Variants in SCMH1 observed in about 807,000 individuals in gnomAD.
The protein encoded by SCMH1 is polycomb protein SCMH1.
In SCMH1, 37 loss-of-function variants were observed where a neutral mutation model predicts 70.8. The observed-to-expected ratio is 0.52, with a 90% CI of 0.40 to 0.69. The LOEUF (loss-of-function observed/expected upper bound fraction) is 0.69, where lower values mean the gene tolerates loss of function less well. Ranked by LOEUF, SCMH1 falls within the 30% of genes least tolerant of loss-of-function variation. The probability of loss-of-function intolerance (pLI) is 0.00; values close to 1 mark genes in which losing one functional copy is unlikely to be tolerated. For missense variants in SCMH1, 607 were observed against 827.3 expected (o/e 0.73, Z 3.27); for synonymous variants, 292 against 307.4 (o/e 0.95, Z 0.52).
intron 1 of SCMH1, among the ~76,000 whole-genome samples, chr1:41,198,095 G>T (rs1348328014): frequency 1.3e-5 from 2 of 152,120 alleles, no homozygotes; most frequent in Non-Finnish European, 2.9e-5. Flanking sequence ...GTTAGGAAAC[G>T]TTCAATGTCA....
chr1:41,083,225 C>A (rs947881327), intron 8 of SCMH1, among the ~76,000 whole-genome samples: 32 of 152,222 alleles, frequency 2.1e-4, no homozygotes, highest in African/African-American at 5.5e-4. Context: ...TCTAGAAAAC[C>A]CCATTGTCTC....
At chr1:41,200,352 C>T (rs1056469698) in intron 1 of SCMH1, among the ~76,000 whole-genome samples, 2 of 151,940 alleles carry the variant, frequency 1.3e-5, no homozygotes, top group African/African-American at 4.8e-5. Flanking sequence ...TGGTGGTAGG[C>T]ACCTGTAGTC....
intron 12 of SCMH1, among the ~76,000 whole-genome samples, chr1:41,038,776 A>G (rs1296659295): frequency 1.3e-5 from 2 of 152,106 alleles, no homozygotes; most frequent in African/African-American, 4.8e-5. Context: ...TCTGTCTCCT[A>G]TTTTCCAGGA....
In SCMH1 at chr1:41,065,530, C is replaced by T. The variant is rs79266428; in HGVS notation, c.1105+5065G>A. 4.3e-4 allele frequency among the ~76,000 whole-genome samples: 66 copies of T among 152,266 alleles called. 2 individuals are homozygous for T. The East Asian group carries it at 0.012, about 28-fold the overall frequency. ...ATATGAAGAGGCAAAAGACCCAGAA[C>T]GAAGCCAGGAGGGCTGATACTACCT... On this transcript the variant is annotated intron_variant, in intron 10 of 14. Coordinates refer to ENST00000337495, the Ensembl canonical transcript of SCMH1.
At chr1:41,028,834 GC>G in intron 13 of SCMH1, 108 bp from the exon 15 acceptor site, 1 of 1,213,316 alleles carries the variant, frequency 8.2e-7, no homozygotes, top group Non-Finnish European at 1.2e-6. Flanking sequence ...TCACAGTAGT[GC>G]CAGACGATGA....
chr1:41,059,929 GA>G (rs1321296784), intron 10 of SCMH1, among the ~76,000 whole-genome samples: 28 of 151,492 alleles, frequency 1.8e-4, no homozygotes, highest in African/African-American at 6.8e-4. Context: ...GGCGGGTCCA[GA>G]GAATTTCTAA....
At chr1:41,132,458 T>C (rs1280927757) in intron 6 of SCMH1, among the ~76,000 whole-genome samples, 1 of 152,210 alleles carries the variant, frequency 6.6e-6, no homozygotes, top group East Asian at 1.9e-4. Flanking sequence ...CTTTGTCAGA[T>C]GGGTAGATTG....
intron 2 of SCMH1, among the ~76,000 whole-genome samples, chr1:41,182,769 T>C (rs896727725): frequency 1.5e-4 from 23 of 151,760 alleles, no homozygotes; most frequent in South Asian, 2.1e-4. Context: ...TAGGAAGAAA[T>C]AGACTCTTGG....
chr1:41,051,481 T>C (rs905224635), intron 10 of SCMH1, among the ~76,000 whole-genome samples: 2 of 152,188 alleles, frequency 1.3e-5, no homozygotes, highest in African/African-American at 2.4e-5. Flanking sequence ...AGCATTGTTA[T>C]CACGGGATGA....
At chr1:41,107,764 T>C (rs3737775) in intron 8 of SCMH1, among the ~76,000 whole-genome samples, 91,856 of 151,434 alleles carry the variant, frequency 0.61, 29,173 homozygotes, top group African/African-American at 0.81. Context: ...GTGATCTGCC[T>C]GCCTCGGCCT....
intron 5 of SCMH1, 72 bp from the exon 6 acceptor site, chr1:41,143,184 T>C: frequency 8.1e-7 from 1 of 1,227,822 alleles, no homozygotes; most frequent in Non-Finnish European, 1.2e-6. Flanking sequence ...TGGATTCAGA[T>C]TGGTTATAGC....
At chr1:41,082,187 T>C (rs1263131668) in intron 8 of SCMH1, among the ~76,000 whole-genome samples, 1 of 151,676 alleles carries the variant, frequency 6.6e-6, no homozygotes, top group Non-Finnish European at 1.5e-5. Flanking sequence ...ATATATGGCC[T>C]CATTAAAACA....
chr1:41,212,957 A>G (rs1367193743), intron 1 of SCMH1, among the ~76,000 whole-genome samples: 1 of 152,206 alleles, frequency 6.6e-6, no homozygotes, highest in East Asian at 1.9e-4. Context: ...TTTGACATTA[A>G]AAAAGATTAA....
At chr1:41,034,080 C>G (rs1571197471) in intron 13 of SCMH1, 32 bp from the exon 14 acceptor site, 2 of 1,583,808 alleles carry the variant, frequency 1.3e-6, no homozygotes, top group African/African-American at 2.7e-5. Context: ...GTCACCATCT[C>G]CAGTTTGCAC....
chr1:41,069,123 A>G (rs1655617277), intron 10 of SCMH1, among the ~76,000 whole-genome samples: 1 of 152,224 alleles, frequency 6.6e-6, no homozygotes, highest in Non-Finnish European at 1.5e-5. Context: ...GTTGAGCAAC[A>G]AAGGAAAAGT....
At chr1:41,092,120 CAAT>C (rs1421964129) in intron 8 of SCMH1, among the ~76,000 whole-genome samples, 1 of 152,192 alleles carries the variant, frequency 6.6e-6, no homozygotes, top group Non-Finnish European at 1.5e-5. Context: ...TGACTTCAAA[CAAT>C]ACTACAAGGT....
Position 41,028,564 on chromosome 1 carries a change from G to C in SCMH1, c.1821+20C>G. The C allele has an allele frequency of 6.2e-7, 1 of 1,613,958 alleles. No individual in the cohort carries two copies. Among genetic ancestry groups the C allele is most frequent in the Non-Finnish European group, 8.5e-7 (1 of 1,179,930 alleles). On this transcript the variant is annotated intron_variant, in intron 14 of 14. Coordinates refer to ENST00000337495, the Ensembl canonical transcript of SCMH1. ...CTCTCCACACAGGTTCCTACTGAGA[G>C]GTCAGGCAGCAGCACCTACGTGTTT...
At chr1:41,217,716 G>A (rs1048015722) in intron 1 of SCMH1, among the ~76,000 whole-genome samples, 6 of 152,180 alleles carry the variant, frequency 3.9e-5, no homozygotes, top group Non-Finnish European at 7.3e-5. Context: ...TATGCAGGAC[G>A]ACTGGCTCTG....
chr1:41,184,442 C>G (rs1371843090), intron 2 of SCMH1, among the ~76,000 whole-genome samples: 1 of 152,114 alleles, frequency 6.6e-6, no homozygotes, highest in African/African-American at 2.4e-5. Flanking sequence ...GCTCTAAATC[C>G]TGCTTATGTT....
Sources: gnomAD v4.1 joint callset for allele counts (sites outside exome capture counted in the v4.1 genomes callset) on GRCh38, gnomAD v4.1.1 for gene constraint, MANE v1.5 for transcripts, NCBI Gene and HGNC (gene_info 2026-07-23, HGNC 2026-07-21) for gene names.